Variants in SAXO4 observed in about 807,000 individuals in gnomAD.
SAXO4 encodes stabilizer of axonemal microtubules 4, also known as protein phosphatase 1 regulatory subunit 32.
At chr11:61,483,021 A>C in the SAXO4 span, among the ~76,000 whole-genome samples, 11 of 121,310 alleles carry the variant, frequency 9.1e-5, no homozygotes, top group South Asian at 2.6e-4. Context: ...CATTACCTCC[A>C]CCTCCATTTC....
chr11:61,490,562 C>T, the SAXO4 span: 1 of 1,614,072 alleles, frequency 6.2e-7, no homozygotes, highest in Non-Finnish European at 8.5e-7. Context: ...CTGCGTGGCA[C>T]ACAGCTGAGC....
chr11:61,483,513 A>G, the SAXO4 span, among the ~76,000 whole-genome samples: 1 of 152,018 alleles, frequency 6.6e-6, no homozygotes, highest in Non-Finnish European at 1.5e-5. Context: ...TCTTATCATC[A>G]GCACCACCAC....
At chr11:61,484,932 G>A in the SAXO4 span, 120 of 1,303,226 alleles carry the variant, frequency 9.2e-5, 1 homozygote, top group Middle Eastern at 1.1e-3. Context: ...GCTCAGGGTG[G>A]GCTCAGGGCG....
chr11:61,481,824 C>G, the SAXO4 span: 2 of 1,526,684 alleles, frequency 1.3e-6, no homozygotes, highest in Non-Finnish European at 1.7e-6. Context: ...TGGGGAAACT[C>G]CCCCTGGGGG....
chr11:61,490,723 G>T, the SAXO4 span: 380 of 723,130 alleles, frequency 5.3e-4, 1 homozygote, highest in African/African-American at 6.0e-3. Flanking sequence ...ACAGATCAGG[G>T]GGCCTCTCAG....
chr11:61,487,480 C>G, the SAXO4 span, among the ~76,000 whole-genome samples: 1 of 152,102 alleles, frequency 6.6e-6, no homozygotes, highest in Non-Finnish European at 1.5e-5. Flanking sequence ...TGTTACTAGG[C>G]CAGCTATCCC....
At chr11:61,486,638 G>A in the SAXO4 span, 1 of 1,601,054 alleles carries the variant, frequency 6.2e-7, no homozygotes, top group Non-Finnish European at 8.6e-7. Flanking sequence ...CTTGCTCAGA[G>A]AAGGGAGAAG....
the SAXO4 span, chr11:61,482,495 T>C: frequency 1.2e-4 from 189 of 1,563,130 alleles, no homozygotes; most frequent in Non-Finnish European, 1.5e-4. Flanking sequence ...GTTCCTTGGA[T>C]GGGGACCCTG....
At chr11:61,484,675 T>C in the SAXO4 span, 1 of 1,612,968 alleles carries the variant, frequency 6.2e-7, no homozygotes, top group South Asian at 1.1e-5. Flanking sequence ...TAATTGGCCC[T>C]TCTTCCTCCC....
At chr11:61,489,926 C>T in the SAXO4 span, 3 of 1,611,818 alleles carry the variant, frequency 1.9e-6, no homozygotes, top group Non-Finnish European at 8.5e-7. Context: ...GCCTGCGGCA[C>T]CTGCATCCCC....
the SAXO4 span, chr11:61,482,926 G>T: frequency 1.5e-5 from 16 of 1,058,642 alleles, no homozygotes; most frequent in Admixed American, 4.9e-4. Context: ...ACCTTGTAGG[G>T]ATGGGGTCCA....
the SAXO4 span, among the ~76,000 whole-genome samples, chr11:61,483,041 C>A: frequency 2.0e-5 from 3 of 151,876 alleles, no homozygotes; most frequent in Non-Finnish European, 4.4e-5. Flanking sequence ...CCATCCCCAT[C>A]CCTGTCCCCA....
At chr11:61,485,105 G>A in the SAXO4 span, among the ~76,000 whole-genome samples, 2 of 152,148 alleles carry the variant, frequency 1.3e-5, no homozygotes, top group African/African-American at 4.8e-5. Context: ...TCATTACCAG[G>A]AGTCTGGTGT....
chr11:61,482,703 C>G, the SAXO4 span: 3 of 1,613,934 alleles, frequency 1.9e-6, no homozygotes, highest in Non-Finnish European at 2.5e-6. Context: ...AGAGCTACCG[C>G]CCCCTGGAGG....
At chr11:61,483,133 C>T in the SAXO4 span, among the ~76,000 whole-genome samples, 16 of 151,052 alleles carry the variant, frequency 1.1e-4, no homozygotes, top group Admixed American at 9.9e-4. Flanking sequence ...CCACCATGGA[C>T]ATCCTCACCC....
the SAXO4 span, chr11:61,485,321 C>T: frequency 7.4e-6 from 12 of 1,613,066 alleles, no homozygotes; most frequent in South Asian, 4.4e-5. Context: ...CCCACTCCTC[C>T]AACCTCTCTG....
the SAXO4 span, among the ~76,000 whole-genome samples, chr11:61,483,911 A>G: frequency 6.6e-6 from 1 of 151,448 alleles, no homozygotes. Flanking sequence ...TGAGGCTGAG[A>G]TTGCCTGGGC....
At chr11:61,487,042 G>A in the SAXO4 span, 4,087 of 1,614,026 alleles carry the variant, frequency 2.5e-3, 59 homozygotes, top group South Asian at 0.021. Flanking sequence ...CTGCTTGGCC[G>A]GGAGACTGTG....
the SAXO4 span, chr11:61,487,313 T>C: frequency 2.3e-6 from 3 of 1,286,338 alleles, no homozygotes; most frequent in African/African-American, 4.4e-5. Flanking sequence ...AGTAATGAGC[T>C]CACAGCCTCG....
Sources: allele counts gnomAD v4.1 joint callset (sites outside exome capture counted in the v4.1 genomes callset), GRCh38; gene constraint gnomAD v4.1.1; transcripts MANE v1.5; gene names NCBI Gene and HGNC (gene_info 2026-07-23, HGNC 2026-07-21).